The following MAGI2 variants were observed in gnomAD, a reference collection of about 807,000 sequenced individuals.
The protein encoded by MAGI2 is membrane associated guanylate kinase, WW and PDZ domain containing 2, also known as membrane-associated guanylate kinase, WW and PDZ domain-containing protein 2.
MAGI2 carries 35 observed loss-of-function variants against 133.3 expected under a neutral mutation model. That is an observed-to-expected ratio of 0.26 (90% CI 0.20 to 0.35). The LOEUF is 0.35. Ranked by LOEUF, MAGI2 falls within the 10% of genes least tolerant of loss-of-function variation. MAGI2 has a pLI of 1.00. For missense variants in MAGI2, 1,636 were observed against 1,863.4 expected, an observed-to-expected ratio of 0.88 and a Z score of 2.25; for synonymous variants, 729 against 710.6, an observed-to-expected ratio of 1.03 and a Z score of -0.41.
chr7:78,527,438 C>T (rs1261477021), intron 3 of MAGI2, among the ~76,000 whole-genome samples: 2 of 152,074 alleles, frequency 1.3e-5, no homozygotes, highest in Non-Finnish European at 2.9e-5. Flanking sequence ...GATTTTTTCA[C>T]ATTGATTTAG....
At chr7:78,551,308 G>A (rs907709182) in intron 3 of MAGI2, among the ~76,000 whole-genome samples, 1 of 152,026 alleles carries the variant, frequency 6.6e-6, no homozygotes, top group African/African-American at 2.4e-5. Flanking sequence ...ATTTTTTCTG[G>A]GCTAATGCAT....
At chr7:78,791,246 C>T (rs2151369033) in intron 2 of MAGI2, among the ~76,000 whole-genome samples, 1 of 152,224 alleles carries the variant, frequency 6.6e-6, no homozygotes, top group South Asian at 2.1e-4. Flanking sequence ...AAAAGTTTAA[C>T]TTAACTAATA....
intron 3 of MAGI2, among the ~76,000 whole-genome samples, chr7:78,623,504 A>C (rs951452406): frequency 6.6e-6 from 1 of 152,088 alleles, no homozygotes; most frequent in Non-Finnish European, 1.5e-5. Flanking sequence ...TTCTTTATTT[A>C]AAATGTTTTC....
rs1829237784 is a variant in MAGI2, at chr7:79,208,368, A to C, written c.302-201162T>G. Reference sequence around the variant, plus strand: ...AAGAAACAAACAAAAAACCAATTACAGAACACCAAGAACATGAATGGACGT... The same window carrying C: ...AAGAAACAAACAAAAAACCAATTACCGAACACCAAGAACATGAATGGACGT... On this transcript the variant is annotated intron_variant, in intron 1 of 21. Coordinates refer to ENST00000354212, the MANE Select transcript of MAGI2 (RefSeq NM_012301.4). 2.0e-5 allele frequency among the ~76,000 whole-genome samples: 3 copies of C among 151,982 alleles called. No homozygotes were observed. In the South Asian group the frequency reaches 6.2e-4, roughly 31 times the overall value.
chr7:79,000,476 A>C (rs557664576), intron 2 of MAGI2: 1 of 152,198 alleles, frequency 6.6e-6, no homozygotes, highest in African/African-American at 2.4e-5. Flanking sequence ...AAAGTATACT[A>C]GAAAGCTCTG....
chr7:78,466,493 T>C (rs1456965129), intron 6 of MAGI2, among the ~76,000 whole-genome samples: 1 of 152,222 alleles, frequency 6.6e-6, no homozygotes, highest in African/African-American at 2.4e-5. Context: ...AATTTAAGTG[T>C]GTTATTTTGA....
chr7:78,259,675 A>C (rs1218222602), intron 9 of MAGI2, among the ~76,000 whole-genome samples: 1 of 152,142 alleles, frequency 6.6e-6, no homozygotes, highest in Non-Finnish European at 1.5e-5. Context: ...AGAGGTAACA[A>C]ATGCCACTTC....
At chr7:78,451,866 G>C (rs907418525) in intron 6 of MAGI2, among the ~76,000 whole-genome samples, 14 of 152,062 alleles carry the variant, frequency 9.2e-5, no homozygotes, top group Admixed American at 5.2e-4. Context: ...TATGGACCAT[G>C]AACTTCCCTT....
intron 2 of MAGI2, among the ~76,000 whole-genome samples, chr7:78,719,290 CAAATA>C (rs1183218568): frequency 6.6e-6 from 1 of 151,970 alleles, no homozygotes; most frequent in Admixed American, 6.6e-5. Flanking sequence ...ACTGCATGTC[CAAATA>C]AAATAATACC....
chr7:78,687,548 T>G (rs1406850966), intron 2 of MAGI2, among the ~76,000 whole-genome samples: 7 of 152,216 alleles, frequency 4.6e-5, no homozygotes, highest in African/African-American at 1.4e-4. Context: ...CCTAGTACTT[T>G]GTCCAATGTG....
intron 10 of MAGI2, chr7:78,254,848 C>T (rs547115207): frequency 6.6e-6 from 1 of 152,320 alleles, no homozygotes; most frequent in African/African-American, 2.4e-5. Flanking sequence ...TGTCCTGTTC[C>T]TTCTGACCCA....
intron 1 of MAGI2, among the ~76,000 whole-genome samples, chr7:79,284,835 T>C (rs1835888930): frequency 6.6e-6 from 1 of 152,070 alleles, no homozygotes; most frequent in South Asian, 2.1e-4. Flanking sequence ...TTCTGGAAGA[T>C]AAAGGGTGCT....
At chr7:78,422,447 G>T (rs1396381408) in intron 6 of MAGI2, among the ~76,000 whole-genome samples, 2 of 151,968 alleles carry the variant, frequency 1.3e-5, no homozygotes, top group Admixed American at 1.3e-4. Context: ...GCAAACACTT[G>T]TTATAAGTGT....
intron 2 of MAGI2, among the ~76,000 whole-genome samples, chr7:78,733,639 C>T (rs1821579275): frequency 6.6e-6 from 1 of 152,060 alleles, no homozygotes; most frequent in Non-Finnish European, 1.5e-5. Context: ...ATAATACATA[C>T]AGCATTTACA....
chr7:78,712,027 T>C (rs1236745305), intron 2 of MAGI2, among the ~76,000 whole-genome samples: 3 of 152,308 alleles, frequency 2.0e-5, no homozygotes, highest in East Asian at 3.9e-4. Flanking sequence ...CTTCCTCCAC[T>C]GGACTGCAGG....
chr7:79,296,055 T>C (rs1836904101), intron 1 of MAGI2, among the ~76,000 whole-genome samples: 1 of 152,202 alleles, frequency 6.6e-6, no homozygotes, highest in Non-Finnish European at 1.5e-5. Context: ...TAATTGTGCA[T>C]TAACTCAGAG....
intron 2 of MAGI2, among the ~76,000 whole-genome samples, chr7:78,728,950 A>G (rs1361020389): frequency 6.6e-6 from 1 of 152,148 alleles, no homozygotes; most frequent in Non-Finnish European, 1.5e-5. Context: ...ATTTTCTCAC[A>G]GGGTACAACT....
chr7:79,102,344 T>G (rs1461777573), intron 1 of MAGI2, among the ~76,000 whole-genome samples: 12 of 152,200 alleles, frequency 7.9e-5, no homozygotes, highest in Admixed American at 7.9e-4. Flanking sequence ...GATTGCTTCC[T>G]TAAAAGAATG....
intron 1 of MAGI2, among the ~76,000 whole-genome samples, chr7:79,017,823 GA>G (rs1251882932): frequency 3.3e-5 from 5 of 151,774 alleles, no homozygotes; most frequent in East Asian, 1.9e-4. Flanking sequence ...CCAAGCTGAG[GA>G]AAAAAAGTCA....
Sources: allele counts gnomAD v4.1 joint callset (sites outside exome capture counted in the v4.1 genomes callset), GRCh38; gene constraint gnomAD v4.1.1; transcripts MANE v1.5; gene names NCBI Gene and HGNC (gene_info 2026-07-23, HGNC 2026-07-21).